The following RMST variants were observed in gnomAD, a reference collection of about 807,000 sequenced individuals.
RMST encodes the protein rhabdomyosarcoma 2 associated transcript.
At chr12:97,480,698 T>C (rs1875175023) in intron 5 of RMST, among the ~76,000 whole-genome samples, 1 of 152,248 alleles carries the variant, frequency 6.6e-6, no homozygotes, top group South Asian at 2.1e-4. Flanking sequence ...CAATTTCCTG[T>C]CTTGCACTTT....
At position 97,482,640 on chromosome 12, in the gene RMST, TTTA is replaced by T. The variant is rs960967842; in HGVS notation, n.645-9815_645-9813del. ...TTTAATTTATTTAATATTTAATTTA[TTTA>T]TTATTTATTTAATAAATTTATTTAT... On this transcript the variant is annotated intron_variant and non_coding_transcript_variant, in intron 5 of 13. Transcript: ENST00000640149. 2.0e-4 allele frequency among the ~76,000 whole-genome samples: 28 copies of T among 142,132 alleles called. 1 individual carries two copies. The highest frequency in any genetic ancestry group is 6.7e-4 in the African/African-American group (27 of 40,378). 93.2% of individuals were successfully genotyped at this position (142,132 alleles called of 152,430 possible). A position where few individuals can be genotyped will look rare whatever the true frequency, so the allele number is the denominator to read the frequency against.
chr12:97,499,637 TTTCTTTTTCTTTTTTCTTTC>T (rs1222310700), intron 10 of RMST, among the ~76,000 whole-genome samples: 3 of 147,984 alleles, frequency 2.0e-5, no homozygotes, highest in Admixed American at 6.7e-5. Context: ...TTTTTTTCTT[TTTCTTTTTCTTTTTTCTTTC>T]TTTTTTTTTT....
chr12:97,554,673 C>T (rs1026375279), intron 11 of RMST, among the ~76,000 whole-genome samples: 1 of 152,130 alleles, frequency 6.6e-6, no homozygotes, highest in African/African-American at 2.4e-5. Context: ...TTTCTACCCT[C>T]GTTGCCAAGA....
At chr12:97,555,826 A>G (rs1395072694) in intron 11 of RMST, among the ~76,000 whole-genome samples, 1 of 152,184 alleles carries the variant, frequency 6.6e-6, no homozygotes, top group African/African-American at 2.4e-5. Context: ...ATTGCATCCA[A>G]CTGTCTCGGG....
intron 5 of RMST, among the ~76,000 whole-genome samples, chr12:97,477,385 C>G (rs956449613): frequency 3.9e-5 from 6 of 151,928 alleles, no homozygotes; most frequent in African/African-American, 1.2e-4. Flanking sequence ...TTTCAGAAAT[C>G]AAAAGACCAG....
At chr12:97,528,673 C>G (rs1881350323) in intron 10 of RMST, among the ~76,000 whole-genome samples, 1 of 152,086 alleles carries the variant, frequency 6.6e-6, no homozygotes, top group African/African-American at 2.4e-5. Context: ...ATACATATGT[C>G]ATTAATATAT....
intron 4 of RMST, among the ~76,000 whole-genome samples, chr12:97,464,547 A>G (rs1053631638): frequency 1.3e-5 from 2 of 152,228 alleles, no homozygotes; most frequent in African/African-American, 4.8e-5. Context: ...GATGTGATTC[A>G]AAGGCTGGAA....
intron 11 of RMST, among the ~76,000 whole-genome samples, chr12:97,560,195 A>G (rs1255824282): frequency 2.0e-5 from 3 of 152,216 alleles, no homozygotes; most frequent in Non-Finnish European, 1.5e-5. Context: ...TCAATCTGAC[A>G]TTGTAGGTTA....
At chr12:97,480,112 A>G (rs1875077327) in intron 5 of RMST, among the ~76,000 whole-genome samples, 1 of 130,084 alleles carries the variant, frequency 7.7e-6, no homozygotes, top group African/African-American at 3.1e-5. Flanking sequence ...TTTTTTTGAG[A>G]CAGAGTTTCG....
At chr12:97,508,458 T>A (rs1312203050) in intron 10 of RMST, among the ~76,000 whole-genome samples, 2 of 152,192 alleles carry the variant, frequency 1.3e-5, no homozygotes, top group Non-Finnish European at 2.9e-5. Context: ...GGGTCCTTTA[T>A]TCTTTCAGAA....
chr12:97,479,997 T>A (rs1202683823), intron 5 of RMST, among the ~76,000 whole-genome samples: 1 of 152,148 alleles, frequency 6.6e-6, no homozygotes, highest in Admixed American at 6.5e-5. Context: ...AACCCAAGAA[T>A]CACTTTTGGC....
chr12:97,532,645 G>GTTTTTTTTTTTTTTTTTTTTTTTTTT (rs34556876), intron 11 of RMST: 1 of 98,376 alleles, frequency 1.0e-5, no homozygotes, highest in African/African-American at 4.0e-5. Flanking sequence ...CTGATGTCCC[G>GTTTTTTTTTTTTTTTTTTTTTTTTTT]TTTTTTTTTT....
At position 97,509,051 on chromosome 12, in the gene RMST, T is replaced by C. The variant is rs1353253803; in HGVS notation, n.1340+12995T>C. Among the ~76,000 whole-genome samples the C allele has an allele frequency of 2.0e-5, 3 of 152,222 alleles. No individual in the cohort carries two copies. The East Asian group carries it at 5.8e-4, about 29-fold the overall frequency. ...ACTGGCTAATTTTCTTGAGGTTTTA[T>C]GGTAAAATGAATTCTCGGAAAGTTC... is the stretch of plus-strand genomic sequence containing the variant. On this transcript the variant is annotated intron_variant and non_coding_transcript_variant, in intron 10 of 13. Coordinates refer to ENST00000640149, the Ensembl canonical transcript of RMST.
intron 10 of RMST, among the ~76,000 whole-genome samples, chr12:97,514,606 A>G (rs1879747860): frequency 6.6e-6 from 1 of 151,856 alleles, no homozygotes; most frequent in Non-Finnish European, 1.5e-5. Flanking sequence ...AACTGTTGAC[A>G]AGCTAAATTT....
At chr12:97,477,535 A>G (rs143652761) in intron 5 of RMST, among the ~76,000 whole-genome samples, 4,803 of 152,302 alleles carry the variant, frequency 0.032, 122 homozygotes, top group Non-Finnish European at 0.045. Context: ...CAACATCAGC[A>G]CAATTTAACA....
chr12:97,537,356 C>T (rs1383149724), intron 11 of RMST, among the ~76,000 whole-genome samples: 1 of 151,198 alleles, frequency 6.6e-6, no homozygotes, highest in African/African-American at 2.4e-5. Flanking sequence ...AAAATATGAT[C>T]CAATTTCTGA....
At chr12:97,508,372 T>C (rs1878923176) in intron 10 of RMST, among the ~76,000 whole-genome samples, 1 of 152,148 alleles carries the variant, frequency 6.6e-6, no homozygotes, top group African/African-American at 2.4e-5. Flanking sequence ...GAAAAATGTA[T>C]ACCTCCCTCC....
intron 11 of RMST, among the ~76,000 whole-genome samples, chr12:97,531,079 A>C (rs1881581855): frequency 1.3e-5 from 2 of 148,410 alleles, no homozygotes; most frequent in South Asian, 4.4e-4. Context: ...AAAATGGAAT[A>C]TAAAGCAATA....
chr12:97,502,227 C>T (rs1878158971), intron 10 of RMST, among the ~76,000 whole-genome samples: 1 of 152,096 alleles, frequency 6.6e-6, no homozygotes, highest in African/African-American at 2.4e-5. Flanking sequence ...GAAACTGCTT[C>T]ATTCTTGTTC....
Sources: gnomAD v4.1 joint callset for allele counts (sites outside exome capture counted in the v4.1 genomes callset) on GRCh38, gnomAD v4.1.1 for gene constraint, MANE v1.5 for transcripts, NCBI Gene and HGNC (gene_info 2026-07-23, HGNC 2026-07-21) for gene names.